ETFA: variants seen among roughly 807,000 people sequenced by gnomAD.
ETFA encodes the protein electron transfer flavoprotein subunit alpha, mitochondrial.
ETFA carries 22 observed loss-of-function variants against 46.2 expected under a neutral mutation model. The ratio of observed to expected loss-of-function variants is 0.48; its 90% CI spans 0.34 to 0.68. The LOEUF (loss-of-function observed/expected upper bound fraction) is 0.68. ETFA is among the 30% of genes least tolerant of loss of function. The pLI, the probability that ETFA is intolerant of heterozygous loss-of-function variation, is 0.01. For synonymous variants in ETFA, 131 were observed against 139.9 expected (o/e 0.94, Z 0.45); for missense variants, 345 against 401.1 (o/e 0.86, Z 1.19).
At chr15:76,252,168 C>T (rs568964563) in intron 9 of ETFA, among the ~76,000 whole-genome samples, 1 of 152,192 alleles carries the variant, frequency 6.6e-6, no homozygotes, top group African/African-American at 2.4e-5. Context: ...ATTAAGGTGA[C>T]TTTATTTTTA....
intron 9 of ETFA, among the ~76,000 whole-genome samples, chr15:76,265,521 T>G (rs2039462184): frequency 1.3e-5 from 2 of 152,194 alleles, no homozygotes; most frequent in South Asian, 4.1e-4. Context: ...ATACTGGAGC[T>G]GATGTCTCTA....
intron 1 of ETFA, among the ~76,000 whole-genome samples, chr15:76,303,011 C>CA (rs2039895975): frequency 6.6e-6 from 1 of 151,946 alleles, no homozygotes; most frequent in African/African-American, 2.4e-5. Context: ...CAACACAAAA[C>CA]AAAAAAACTT....
chr15:76,246,476 TGAA>T, intron 9 of ETFA, among the ~76,000 whole-genome samples: 1 of 152,308 alleles, frequency 6.6e-6, no homozygotes, highest in African/African-American at 2.4e-5. Context: ...TTCCTTGAAA[TGAA>T]GGACAAGGAT....
intron 1 of ETFA, among the ~76,000 whole-genome samples, chr15:76,296,876 A>C (rs964039439): frequency 6.6e-6 from 1 of 152,216 alleles, no homozygotes; most frequent in African/African-American, 2.4e-5. Flanking sequence ...GAGATCCAAA[A>C]TGTTGAAGGC....
intron 9 of ETFA, among the ~76,000 whole-genome samples, chr15:76,256,935 G>A (rs2039351427): frequency 6.6e-6 from 1 of 152,166 alleles, no homozygotes; most frequent in African/African-American, 2.4e-5. Flanking sequence ...TATAGCCTAG[G>A]TGTTTAGTAG....
intron 9 of ETFA, among the ~76,000 whole-genome samples, chr15:76,234,798 T>A (rs748413956): frequency 3.3e-5 from 5 of 152,138 alleles, no homozygotes; most frequent in Non-Finnish European, 7.4e-5. Context: ...TTCTGAAATA[T>A]AGAGAAGGGA....
At chr15:76,276,156 T>C (rs1350647657) in intron 8 of ETFA, among the ~76,000 whole-genome samples, 2 of 152,200 alleles carry the variant, frequency 1.3e-5, no homozygotes, top group Non-Finnish European at 2.9e-5. Context: ...TGACATATTC[T>C]GCCAATTTTT....
chr15:76,295,933 A>ATTATTTTTTTTTTTTTTTTTTT, intron 1 of ETFA, among the ~76,000 whole-genome samples, 196 bp from the exon 2 acceptor site: 1 of 58,562 alleles, frequency 1.7e-5, no homozygotes, highest in Non-Finnish European at 4.0e-5. Context: ...TACCACTAAT[A>ATTATTTTTTTTTTTTTTTTTTT]TTCTTTTTTT....
At chr15:76,274,880 T>C (rs111759933) in intron 8 of ETFA, among the ~76,000 whole-genome samples, 115 of 152,306 alleles carry the variant, frequency 7.6e-4, no homozygotes, top group African/African-American at 2.7e-3. Context: ...CAGTATTTGC[T>C]ATCAAATTCA....
rs2039364793 is a variant in ETFA at position 76,258,146 on chromosome 15, T to G, written c.816+16266A>C. Among the ~76,000 whole-genome samples, 3 of 151,540 alleles carry G rather than the reference T, an allele frequency of 2.0e-5. No individual in the cohort carries two copies. The South Asian group carries it at 6.2e-4, about 32-fold the overall frequency. ...GTAACTAAATTGCACATTGTGCACA[T>G]GTACCCTAAAACTTAAAGTATAATA... On this transcript the variant is annotated intron_variant, in intron 9 of 11. Coordinates refer to ENST00000557943, the MANE Select transcript of ETFA (RefSeq NM_000126.4).
chr15:76,297,262 A>G (rs2039834055), intron 1 of ETFA, among the ~76,000 whole-genome samples: 1 of 152,128 alleles, frequency 6.6e-6, no homozygotes, highest in African/African-American at 2.4e-5. Flanking sequence ...ATCAAATACA[A>G]TGTTTGTTTT....
chr15:76,287,730 A>C, intron 5 of ETFA, 116 bp downstream of exon 5: 1 of 800,760 alleles, frequency 1.2e-6, no homozygotes. Context: ...AGAAACCTTT[A>C]AGATGGTCCA....
intron 4 of ETFA, among the ~76,000 whole-genome samples, chr15:76,290,054 AG>A (rs1325177003): frequency 6.6e-6 from 1 of 152,228 alleles, no homozygotes; most frequent in African/African-American, 2.4e-5. Context: ...ATCAGACTGG[AG>A]GAAAAAATGT....
chr15:76,303,485 G>A (rs971441532), intron 1 of ETFA, among the ~76,000 whole-genome samples: 3 of 151,704 alleles, frequency 2.0e-5, no homozygotes, highest in Non-Finnish European at 2.9e-5. Flanking sequence ...TTAAACTAAA[G>A]AGCTTCTGCA....
intron 8 of ETFA, among the ~76,000 whole-genome samples, chr15:76,274,817 A>G (rs866981931): frequency 5.3e-5 from 8 of 152,236 alleles, no homozygotes; most frequent in African/African-American, 1.9e-4. Flanking sequence ...TTGTAATACT[A>G]TAAAGAGAAG....
intron 11 of ETFA, among the ~76,000 whole-genome samples, chr15:76,224,693 G>A (rs1175941377): frequency 6.6e-6 from 1 of 152,202 alleles, no homozygotes; most frequent in Non-Finnish European, 1.5e-5. Flanking sequence ...GCCCCTCGCT[G>A]TGGTTCTACA....
At chr15:76,264,864 A>G (rs2039454257) in intron 9 of ETFA, among the ~76,000 whole-genome samples, 1 of 152,362 alleles carries the variant, frequency 6.6e-6, no homozygotes, top group Non-Finnish European at 1.5e-5. Flanking sequence ...TGGAAATCAA[A>G]AGGAAAAACC....
At chr15:76,248,207 A>G (rs2039261875) in intron 9 of ETFA, among the ~76,000 whole-genome samples, 1 of 152,190 alleles carries the variant, frequency 6.6e-6, no homozygotes, top group African/African-American at 2.4e-5. Context: ...GGCCAATGGG[A>G]CAGAATAGAT....
rs202121622 is a variant in ETFA at position 76,283,762 on chromosome 15, G to C, written c.728C>G (p.Ala243Gly). Residue 243 changes from alanine (A) to glycine (G), a missense_variant, in exon 8 of 12, where the codon GCT (alanine) becomes GGT (glycine). Physicochemically the swap from Ala to Gly is moderately conservative, Grantham distance 60. Coordinates refer to ENST00000557943, the MANE Select transcript of ETFA (RefSeq NM_000126.4). Reference sequence around the variant, plus strand: ...ACTAAGGAAAATAACTTTACCTGCAGCATGTAGTTGATCTGCCAAGTCATA... The same window carrying C: ...ACTAAGGAAAATAACTTTACCTGCACCATGTAGTTGATCTGCCAAGTCATA... ...LLYDLADQLH[A>G]AVGASRAAVD... The C allele has an allele frequency of 3.4e-5, 54 of 1,588,124 alleles. No individual in the cohort carries two copies. Among genetic ancestry groups the C allele is most frequent in the Non-Finnish European group, 4.3e-5 (50 of 1,156,778 alleles).
Sources: allele counts gnomAD v4.1 joint callset (sites outside exome capture counted in the v4.1 genomes callset), GRCh38; gene constraint gnomAD v4.1.1; transcripts MANE v1.5; gene names NCBI Gene and HGNC (gene_info 2026-07-23, HGNC 2026-07-21).